NXPE2: variants seen among roughly 807,000 people sequenced by gnomAD.
The protein encoded by NXPE2 is neurexophilin and PC-esterase domain family member 2, also known as NXPE family member 2.
Under a neutral mutation model 34.4 loss-of-function variants are expected in NXPE2, and 34 were observed. The ratio of observed to expected loss-of-function variants is 0.99; its 90% CI spans 0.75 to 1.31. The LOEUF (loss-of-function observed/expected upper bound fraction) is 1.31, where lower values mean the gene tolerates loss of function less well. NXPE2 is among the 40% of genes most tolerant of loss of function. The pLI is 0.00. For missense variants in NXPE2, 649 were observed against 672.5 expected, an observed-to-expected ratio of 0.97 and a Z score of 0.39; for synonymous variants, 235 against 231.3, an observed-to-expected ratio of 1.02 and a Z score of -0.15.
chr11:114,810,664 C>T, the NXPE2 span, among the ~76,000 whole-genome samples: 25 of 151,932 alleles, frequency 1.6e-4, 1 homozygote, highest in South Asian at 3.1e-3. Context: ...GTTAGAATGG[C>T]GATCATTAAA....
the NXPE2 span, chr11:114,581,799 A>G: frequency 6.3e-7 from 1 of 1,584,434 alleles, no homozygotes; most frequent in Non-Finnish European, 8.6e-7. Context: ...TAAAGACACA[A>G]ATACAGAAAT....
At chr11:114,757,700 T>C in the NXPE2 span, among the ~76,000 whole-genome samples, 1 of 152,230 alleles carries the variant, frequency 6.6e-6, no homozygotes, top group Admixed American at 6.5e-5. Context: ...GCATCTCCAG[T>C]TGTATTGTTT....
At chr11:114,662,141 G>T in the NXPE2 span, among the ~76,000 whole-genome samples, 3 of 152,250 alleles carry the variant, frequency 2.0e-5, no homozygotes, top group South Asian at 6.2e-4. Flanking sequence ...TGAAGAAGTA[G>T]GAAAAAGCAA....
the NXPE2 span, among the ~76,000 whole-genome samples, chr11:114,541,942 T>C: frequency 2.0e-5 from 3 of 152,200 alleles, no homozygotes; most frequent in South Asian, 6.2e-4. Context: ...GTTTAGACCT[T>C]ATCTCCATTT....
the NXPE2 span, among the ~76,000 whole-genome samples, chr11:114,608,172 G>A: frequency 2.6e-5 from 4 of 151,722 alleles, no homozygotes; most frequent in African/African-American, 9.7e-5. Context: ...TGGATAATAA[G>A]TATTGCCTCG....
At chr11:114,804,516 C>T in the NXPE2 span, among the ~76,000 whole-genome samples, 2 of 152,192 alleles carry the variant, frequency 1.3e-5, no homozygotes, top group South Asian at 2.1e-4. Flanking sequence ...TTTATGAGTG[C>T]AGAGGCTGGT....
chr11:114,566,562 A>G, the NXPE2 span, among the ~76,000 whole-genome samples: 2 of 152,176 alleles, frequency 1.3e-5, no homozygotes, highest in East Asian at 3.8e-4. Flanking sequence ...TTAGAACATA[A>G]ACCCAACTGG....
chr11:114,657,351 T>A, the NXPE2 span, among the ~76,000 whole-genome samples: 1 of 152,192 alleles, frequency 6.6e-6, no homozygotes, highest in Admixed American at 6.5e-5. Context: ...AAAGATTACA[T>A]CTTTATTTTT....
the NXPE2 span, among the ~76,000 whole-genome samples, chr11:114,646,495 C>T: frequency 1.3e-5 from 2 of 152,014 alleles, no homozygotes; most frequent in African/African-American, 4.8e-5. Flanking sequence ...GTTAAGATCA[C>T]TTAACTTTAT....
At chr11:114,749,481 G>A in the NXPE2 span, among the ~76,000 whole-genome samples, 1 of 152,116 alleles carries the variant, frequency 6.6e-6, no homozygotes. Flanking sequence ...AATTTTGGAT[G>A]GAAAATTTGT....
chr11:114,643,468 T>C, the NXPE2 span, among the ~76,000 whole-genome samples: 1 of 152,152 alleles, frequency 6.6e-6, no homozygotes, highest in Non-Finnish European at 1.5e-5. Flanking sequence ...TTCAGTTTTC[T>C]GTATATGGCT....
At chr11:114,802,161 C>A in the NXPE2 span, among the ~76,000 whole-genome samples, 1 of 152,172 alleles carries the variant, frequency 6.6e-6, no homozygotes, top group Non-Finnish European at 1.5e-5. Context: ...GCCCAATAAA[C>A]AACCCAGATT....
the NXPE2 span, among the ~76,000 whole-genome samples, chr11:114,802,844 T>A: frequency 6.6e-6 from 1 of 152,166 alleles, no homozygotes; most frequent in East Asian, 1.9e-4. Context: ...AAGTTGAGAT[T>A]GATGTACTCA....
the NXPE2 span, among the ~76,000 whole-genome samples, chr11:114,590,848 G>T: frequency 6.6e-6 from 1 of 152,150 alleles, no homozygotes; most frequent in Admixed American, 6.6e-5. Flanking sequence ...CAATGTAGCA[G>T]GATTGCTGTC....
the NXPE2 span, among the ~76,000 whole-genome samples, chr11:114,645,838 G>A: frequency 1.3e-5 from 2 of 152,042 alleles, no homozygotes; most frequent in African/African-American, 2.4e-5. Flanking sequence ...CATTAGATAG[G>A]CCAAATTTGA....
chr11:114,530,632 C>A, the NXPE2 span: 1 of 1,614,194 alleles, frequency 6.2e-7, no homozygotes, highest in South Asian at 1.1e-5. Context: ...CCCAAGTGGT[C>A]CCTCACCTCC....
chr11:114,806,348 T>C, the NXPE2 span, among the ~76,000 whole-genome samples: 1 of 152,302 alleles, frequency 6.6e-6, no homozygotes, highest in African/African-American at 2.4e-5. Context: ...AGACAGAGAA[T>C]GACTTGGACG....
chr11:114,701,264 G>T (rs1482596449), intron 3 of NXPE2, among the ~76,000 whole-genome samples: 2 of 152,122 alleles, frequency 1.3e-5, no homozygotes, highest in Non-Finnish European at 2.9e-5. Flanking sequence ...TTTTATATGT[G>T]CCTGATTCTA....
the NXPE2 span, among the ~76,000 whole-genome samples, chr11:114,607,786 G>A: frequency 1.1e-3 from 159 of 150,680 alleles, no homozygotes; most frequent in African/African-American, 3.8e-3. Flanking sequence ...ACTGTTACAC[G>A]GTGGAGAATA....
Sources: allele counts gnomAD v4.1 joint callset (sites outside exome capture counted in the v4.1 genomes callset), GRCh38; gene constraint gnomAD v4.1.1; transcripts MANE v1.5; gene names NCBI Gene and HGNC (gene_info 2026-07-23, HGNC 2026-07-21).